The following RGS6 variants were observed in gnomAD, a reference collection of about 807,000 sequenced individuals.
The protein encoded by RGS6 is regulator of G-protein signaling 6.
In RGS6, 30 loss-of-function variants were observed where a neutral mutation model predicts 78.5. The ratio of observed to expected loss-of-function variants is 0.38; its 90% CI spans 0.29 to 0.52. RGS6 has a LOEUF of 0.52. Among genes scored for constraint, RGS6 ranks in the 20% least tolerant of loss-of-function variants. The pLI is 0.85. For synonymous variants in RGS6, 206 were observed against 206.0 expected, an observed-to-expected ratio of 1.00 and a Z score of 0.00; for missense variants, 495 against 609.7, an observed-to-expected ratio of 0.81 and a Z score of 1.98.
At chr14:72,286,466 T>A (rs1001190237) in intron 2 of RGS6, among the ~76,000 whole-genome samples, 1 of 152,202 alleles carries the variant, frequency 6.6e-6, no homozygotes, top group Non-Finnish European at 1.5e-5. Flanking sequence ...TTGTTCTTCT[T>A]TCTCAAGATT....
At chr14:72,468,233 G>A (rs1321112288) in intron 7 of RGS6, among the ~76,000 whole-genome samples, 1 of 152,074 alleles carries the variant, frequency 6.6e-6, no homozygotes, top group Non-Finnish European at 1.5e-5. Flanking sequence ...CAAAAAATTA[G>A]CCAGGCCTAG....
chr14:72,184,369 AACACACAC>A (rs10638767), intron 2 of RGS6, among the ~76,000 whole-genome samples: 11,047 of 141,322 alleles, frequency 0.078, 437 homozygotes, highest in Middle Eastern at 0.12. Context: ...TTTACTTTCA[AACACACAC>A]ACACACACAC....
intron 3 of RGS6, among the ~76,000 whole-genome samples, chr14:72,444,304 T>G (rs1745019312): frequency 6.6e-6 from 1 of 152,112 alleles, no homozygotes; most frequent in Non-Finnish European, 1.5e-5. Flanking sequence ...GCCCCTATTA[T>G]TTTTCATAAT....
intron 2 of RGS6, among the ~76,000 whole-genome samples, chr14:72,244,647 G>A (rs1567564690): frequency 6.6e-6 from 1 of 152,130 alleles, no homozygotes; most frequent in Non-Finnish European, 1.5e-5. Context: ...CTATTGCTGA[G>A]CCTAGAGCAA....
intron 2 of RGS6, chr14:72,022,598 G>C (rs2088907559): frequency 6.6e-6 from 1 of 152,166 alleles, no homozygotes. Context: ...AGGTGGCTAA[G>C]CCAGGATTTG....
At chr14:71,949,058 A>G (rs2091968947) in intron 1 of RGS6, among the ~76,000 whole-genome samples, 1 of 152,122 alleles carries the variant, frequency 6.6e-6, no homozygotes, top group Non-Finnish European at 1.5e-5. Context: ...TCCACAAACT[A>G]TTCATCTACT....
At chr14:72,077,767 A>C (rs182575193) in intron 2 of RGS6, among the ~76,000 whole-genome samples, 2 of 152,190 alleles carry the variant, frequency 1.3e-5, no homozygotes, top group East Asian at 3.9e-4. Flanking sequence ...TTTCAAATCA[A>C]TGTTAAACAT....
chr14:72,289,669 C>A (rs1026948698), intron 2 of RGS6, among the ~76,000 whole-genome samples: 39 of 152,178 alleles, frequency 2.6e-4, no homozygotes, highest in Admixed American at 2.0e-3. Flanking sequence ...TATCAAATGT[C>A]AAAGGTGAAA....
intron 3 of RGS6, among the ~76,000 whole-genome samples, chr14:72,425,699 G>A (rs2094406340): frequency 6.6e-6 from 1 of 152,120 alleles, no homozygotes; most frequent in African/African-American, 2.4e-5. Flanking sequence ...ACTTTCAAAG[G>A]GAGGATAATT....
chr14:72,622,043 T>C, the RGS6 span, among the ~76,000 whole-genome samples: 1 of 152,192 alleles, frequency 6.6e-6, no homozygotes. Flanking sequence ...GTGAAGGTCC[T>C]AGGAGAGGAA....
intron 3 of RGS6, among the ~76,000 whole-genome samples, chr14:72,419,917 G>C (rs775506493): frequency 6.6e-6 from 1 of 152,206 alleles, no homozygotes; most frequent in African/African-American, 2.4e-5. Context: ...GAGAAGTAGA[G>C]CAAAATGGTC....
At chr14:72,591,133 C>T in the RGS6 span, among the ~76,000 whole-genome samples, 1 of 152,128 alleles carries the variant, frequency 6.6e-6, no homozygotes, top group African/African-American at 2.4e-5. Context: ...CTATTTTGCC[C>T]CTTCTTTATA....
chr14:71,930,615 G>C (rs1277661138), upstream of RGS6, among the ~76,000 whole-genome samples: 1 of 151,912 alleles, frequency 6.6e-6, no homozygotes, highest in Non-Finnish European at 1.5e-5. Context: ...TGAGCCTGGA[G>C]CCTGCTGTTT....
chr14:72,069,176 T>C (rs1243407587), intron 2 of RGS6, among the ~76,000 whole-genome samples: 1 of 152,102 alleles, frequency 6.6e-6, no homozygotes, highest in Non-Finnish European at 1.5e-5. Context: ...TTTCACCACG[T>C]TGGCCAGGCT....
the RGS6 span, among the ~76,000 whole-genome samples, chr14:71,912,797 T>A: frequency 1.3e-5 from 2 of 152,172 alleles, no homozygotes; most frequent in Non-Finnish European, 2.9e-5. Flanking sequence ...GCACACAAAC[T>A]GTCTCTGGTT....
intron 2 of RGS6, among the ~76,000 whole-genome samples, chr14:72,031,108 GT>G (rs1226325731): frequency 6.6e-6 from 1 of 151,738 alleles, no homozygotes; most frequent in East Asian, 1.9e-4. Context: ...AGTAGACTCA[GT>G]TTTTTTCAGG....
chr14:72,307,679 A>G (rs2067573717), intron 2 of RGS6, among the ~76,000 whole-genome samples: 1 of 152,130 alleles, frequency 6.6e-6, no homozygotes, highest in African/African-American at 2.4e-5. Context: ...ATTATTATGT[A>G]TATTTGTCTT....
At chr14:71,967,346 C>T (rs954325910) in intron 2 of RGS6, among the ~76,000 whole-genome samples, 1 of 152,082 alleles carries the variant, frequency 6.6e-6, no homozygotes, top group Admixed American at 6.5e-5. Flanking sequence ...ACCTGACTGA[C>T]TTAAACCATG....
At chr14:71,943,113 TG>T (rs2090906167) in intron 1 of RGS6, among the ~76,000 whole-genome samples, 1 of 152,148 alleles carries the variant, frequency 6.6e-6, no homozygotes, top group South Asian at 2.1e-4. Flanking sequence ...GGCACTCCCT[TG>T]GAAATACCCC....
Sources: gnomAD v4.1 joint callset for allele counts (sites outside exome capture counted in the v4.1 genomes callset) on GRCh38, gnomAD v4.1.1 for gene constraint, MANE v1.5 for transcripts, NCBI Gene and HGNC (gene_info 2026-07-23, HGNC 2026-07-21) for gene names.